The following RAB3C variants were observed in gnomAD, a reference collection of about 807,000 sequenced individuals.
RAB3C encodes RAB3C, member RAS oncogene family, also known as ras-related protein Rab-3C.
RAB3C carries 17 observed loss-of-function variants against 26.4 expected under a neutral mutation model. The observed-to-expected ratio is 0.64, with a 90% CI of 0.44 to 0.97. The LOEUF is 0.97. RAB3C is among the 50% of genes least tolerant of loss of function. The probability of loss-of-function intolerance (pLI) is 0.00; values close to 1 mark genes in which losing one functional copy is unlikely to be tolerated. For synonymous variants in RAB3C, 91 were observed against 95.9 expected (o/e 0.95, Z 0.30); for missense variants, 242 against 281.9 (o/e 0.86, Z 1.01).
intron 2 of RAB3C, among the ~76,000 whole-genome samples, chr5:58,721,718 T>C (rs572312736): frequency 6.6e-6 from 1 of 151,942 alleles, no homozygotes; most frequent in African/African-American, 2.4e-5. Flanking sequence ...CAGCTTGGTG[T>C]CTGTTTATTA....
chr5:58,851,381 G>T lies in RAB3C; in HGVS notation c.*30G>T, dbSNP rs185044900. On this transcript the variant is annotated 3_prime_UTR_variant, in exon 5 of 5. Coordinates refer to ENST00000282878, the MANE Select transcript of RAB3C (RefSeq NM_138453.4). ...CCCGTGCACACAGGCAGCTCCAGGG[G>T]GCTCTGGTTGCCAACAAACAGCATT... The T allele has an allele frequency of 2.6e-6, 4 of 1,530,950 alleles. No individual in the cohort carries two copies. The highest frequency in any genetic ancestry group is 4.5e-5 in the Admixed American group (2 of 44,212). The allele number at this position is 1,530,950 out of a possible 1,614,324, so 94.8% of individuals were successfully genotyped here.
At chr5:58,704,175 A>T (rs1274638639) in intron 2 of RAB3C, among the ~76,000 whole-genome samples, 1 of 152,154 alleles carries the variant, frequency 6.6e-6, no homozygotes, top group African/African-American at 2.4e-5. Context: ...TGCCACTTTA[A>T]TCTTTGCTTA....
intron 2 of RAB3C, among the ~76,000 whole-genome samples, chr5:58,714,464 A>G (rs1749126707): frequency 6.6e-6 from 1 of 152,144 alleles, no homozygotes; most frequent in Non-Finnish European, 1.5e-5. Context: ...GGGATTTCTA[A>G]AAAAATGCAC....
At chr5:58,743,860 G>A (rs1434768506) in intron 3 of RAB3C, among the ~76,000 whole-genome samples, 1 of 152,116 alleles carries the variant, frequency 6.6e-6, no homozygotes, top group Non-Finnish European at 1.5e-5. Flanking sequence ...CTTTCATGTC[G>A]AGTGTTAATA....
intron 1 of RAB3C, among the ~76,000 whole-genome samples, chr5:58,589,020 A>G (rs923032869): frequency 1.3e-5 from 2 of 151,978 alleles, no homozygotes; most frequent in African/African-American, 4.8e-5. Context: ...TTTATCATCA[A>G]GTGTGAAATT....
chr5:58,611,815 T>C (rs10040569), intron 1 of RAB3C, among the ~76,000 whole-genome samples: 73,559 of 151,958 alleles, frequency 0.48, 18,131 homozygotes, highest in Non-Finnish European at 0.52. Flanking sequence ...CCTGCTCCTA[T>C]GTCAATAATG....
chr5:58,826,275 G>T (rs1341020683), intron 4 of RAB3C, among the ~76,000 whole-genome samples: 2 of 152,142 alleles, frequency 1.3e-5, no homozygotes, highest in African/African-American at 4.8e-5. Context: ...CAGCTTGAAT[G>T]GTCTCTGAAG....
intron 3 of RAB3C, among the ~76,000 whole-genome samples, chr5:58,805,835 C>G (rs1408591758): frequency 6.6e-6 from 1 of 151,954 alleles, no homozygotes; most frequent in Non-Finnish European, 1.5e-5. Context: ...TGAAAACTGA[C>G]TCCACCATGA....
intron 3 of RAB3C, among the ~76,000 whole-genome samples, chr5:58,758,367 A>G (rs1741721211): frequency 6.6e-6 from 1 of 152,248 alleles, no homozygotes; most frequent in Non-Finnish European, 1.5e-5. Context: ...AATACTTACA[A>G]TATGCCACAT....
intron 1 of RAB3C, among the ~76,000 whole-genome samples, chr5:58,586,949 A>G (rs1173796950): frequency 6.6e-6 from 1 of 152,146 alleles, no homozygotes; most frequent in African/African-American, 2.4e-5. Flanking sequence ...TGAATTCCTA[A>G]CCATATCCAT....
At chr5:58,582,414 G>C, upstream of RAB3C, 1 of 985,450 alleles carries the variant, frequency 1.0e-6, no homozygotes, top group Non-Finnish European at 1.2e-6. Context: ...TGTATGGAAA[G>C]GTAAGCAGGC....
chr5:58,588,630 G>A (rs1171359128), intron 1 of RAB3C, among the ~76,000 whole-genome samples: 2 of 151,946 alleles, frequency 1.3e-5, no homozygotes, highest in Admixed American at 6.6e-5. Context: ...ATAAATAAAG[G>A]TTTCTCCCAG....
intron 2 of RAB3C, among the ~76,000 whole-genome samples, chr5:58,648,239 T>C (rs2111780854): frequency 6.6e-6 from 1 of 152,316 alleles, no homozygotes; most frequent in East Asian, 1.9e-4. Flanking sequence ...TTTAATTTAC[T>C]TTTTCTCAGC....
At chr5:58,600,566 G>A (rs989447608) in intron 1 of RAB3C, among the ~76,000 whole-genome samples, 2 of 151,944 alleles carry the variant, frequency 1.3e-5, no homozygotes, top group Non-Finnish European at 2.9e-5. Flanking sequence ...TCCTCGGTTA[G>A]GTATATTCCT....
At chr5:58,735,291 C>G (rs1004068254) in intron 3 of RAB3C, among the ~76,000 whole-genome samples, 1 of 152,178 alleles carries the variant, frequency 6.6e-6, no homozygotes, top group Non-Finnish European at 1.5e-5. Context: ...GTGTGTCAGA[C>G]AATTCAGATT....
At chr5:58,586,659 T>C (rs1185969652) in intron 1 of RAB3C, among the ~76,000 whole-genome samples, 2 of 152,076 alleles carry the variant, frequency 1.3e-5, no homozygotes, top group African/African-American at 4.8e-5. Flanking sequence ...TTGGGGTCAC[T>C]TCATAAATGC....
chr5:58,846,869 T>G (rs909441844), intron 4 of RAB3C: 1 of 151,976 alleles, frequency 6.6e-6, no homozygotes, highest in Admixed American at 6.6e-5. Context: ...ATAGCTAACA[T>G]GTTTTATCAA....
intron 2 of RAB3C, among the ~76,000 whole-genome samples, chr5:58,670,928 A>T (rs1222072749): frequency 6.6e-6 from 1 of 152,124 alleles, no homozygotes; most frequent in Admixed American, 6.6e-5. Context: ...AATCAAACTC[A>T]TGTCAAACCC....
At position 58,732,610 on chromosome 5, in the gene RAB3C, T is replaced by G. The variant is rs537783204; in HGVS notation, c.371+6490T>G. 1.1e-4 allele frequency among the ~76,000 whole-genome samples: 17 copies of G among 152,242 alleles called. No individual in the cohort carries two copies. The East Asian group carries it at 1.9e-3, about 17-fold the overall frequency. On this transcript the variant is annotated intron_variant, in intron 3 of 4. Transcript: ENST00000282878. ...CACGTAGAGTTCTTGTGGTCTCAAA[T>G]GATCCAAGAACTGAATGGTAACCAC... is the stretch of plus-strand genomic sequence containing the variant.
Sources: gnomAD v4.1 joint callset for allele counts (sites outside exome capture counted in the v4.1 genomes callset) on GRCh38, gnomAD v4.1.1 for gene constraint, MANE v1.5 for transcripts, NCBI Gene and HGNC (gene_info 2026-07-23, HGNC 2026-07-21) for gene names.